CCBE1: variants seen among roughly 807,000 people sequenced by gnomAD.
CCBE1 encodes the protein collagen and calcium-binding EGF domain-containing protein 1.
A neutral mutation model predicts 50.0 loss-of-function variants in CCBE1; 37 were observed. The observed-to-expected ratio is 0.74, with a 90% confidence interval of 0.57 to 0.97. The LOEUF (loss-of-function observed/expected upper bound fraction) is 0.97, where lower values mean the gene tolerates loss of function less well. CCBE1 is among the 50% of genes least tolerant of loss of function. The pLI is 0.00. For synonymous variants in CCBE1, 234 were observed against 203.7 expected, an observed-to-expected ratio of 1.15 and a Z score of -1.27; for missense variants, 538 against 523.8, an observed-to-expected ratio of 1.03 and a Z score of -0.26.
At chr18:59,615,701 T>A (rs1230886373) in intron 2 of CCBE1, among the ~76,000 whole-genome samples, 1 of 152,158 alleles carries the variant, frequency 6.6e-6, no homozygotes, top group African/African-American at 2.4e-5. Flanking sequence ...CCATAAGGTA[T>A]GAGGTTATTT....
chr18:59,661,603 C>A (rs2054286678), intron 2 of CCBE1, among the ~76,000 whole-genome samples: 1 of 152,166 alleles, frequency 6.6e-6, no homozygotes, highest in East Asian at 1.9e-4. Context: ...AAGCCTCTGG[C>A]CACAATATTC....
At chr18:59,649,455 A>ACG (rs1402354581) in intron 2 of CCBE1, among the ~76,000 whole-genome samples, 1 of 152,272 alleles carries the variant, frequency 6.6e-6, no homozygotes, top group Non-Finnish European at 1.5e-5. Flanking sequence ...TTAAAGCTTT[A>ACG]CGTGTAATGA....
intron 2 of CCBE1, among the ~76,000 whole-genome samples, chr18:59,625,769 T>C (rs868624987): frequency 2.0e-5 from 3 of 152,090 alleles, no homozygotes; most frequent in Admixed American, 6.5e-5. Flanking sequence ...CCAAAATTCA[T>C]GTGTTGAAAC....
intron 2 of CCBE1, among the ~76,000 whole-genome samples, chr18:59,626,940 T>G (rs925523913): frequency 6.6e-6 from 1 of 152,226 alleles, no homozygotes; most frequent in Non-Finnish European, 1.5e-5. Flanking sequence ...CTTCAGCCTC[T>G]CCACAAGCTT....
chr18:59,671,743 G>A (rs1252988889), intron 2 of CCBE1, among the ~76,000 whole-genome samples: 8 of 150,978 alleles, frequency 5.3e-5, no homozygotes, highest in Admixed American at 2.6e-4. Flanking sequence ...AAGCAGTGAA[G>A]GGAAGGGGAA....
At chr18:59,519,651 G>A (rs1465570033) in intron 2 of CCBE1, among the ~76,000 whole-genome samples, 2 of 152,170 alleles carry the variant, frequency 1.3e-5, no homozygotes, top group Non-Finnish European at 2.9e-5. Context: ...AGTTTCTTTT[G>A]CTGTGCAGAA....
At chr18:59,599,366 A>G (rs1216416089) in intron 2 of CCBE1, among the ~76,000 whole-genome samples, 1 of 152,250 alleles carries the variant, frequency 6.6e-6, no homozygotes, top group African/African-American at 2.4e-5. Flanking sequence ...TTGAGAAAAC[A>G]TGCAGTTTGG....
intron 2 of CCBE1, among the ~76,000 whole-genome samples, chr18:59,529,779 CTGT>C (rs1439795949): frequency 1.3e-5 from 2 of 152,078 alleles, no homozygotes; most frequent in Non-Finnish European, 2.9e-5. Flanking sequence ...CCAACTGCAG[CTGT>C]TTCTGGTCAT....
intron 2 of CCBE1, among the ~76,000 whole-genome samples, chr18:59,531,520 G>A (rs1245517096): frequency 6.6e-6 from 1 of 152,166 alleles, no homozygotes; most frequent in East Asian, 1.9e-4. Flanking sequence ...GGCTGAGGCA[G>A]GAGGATTGCT....
intron 2 of CCBE1, among the ~76,000 whole-genome samples, chr18:59,493,137 AGTCTT>A (rs1913188592): frequency 6.6e-6 from 1 of 152,234 alleles, no homozygotes; most frequent in African/African-American, 2.4e-5. Flanking sequence ...TTAATGGGAC[AGTCTT>A]AAAGGAGAGA....
intron 2 of CCBE1, among the ~76,000 whole-genome samples, chr18:59,516,129 T>C (rs1379121446): frequency 6.6e-6 from 1 of 152,160 alleles, no homozygotes; most frequent in Non-Finnish European, 1.5e-5. Context: ...CAGCTAACTT[T>C]TGTATTTTTA....
intron 10 of CCBE1, 68 bp downstream of exon 10, chr18:59,438,043 A>G: frequency 1.3e-6 from 2 of 1,543,108 alleles, no homozygotes; most frequent in Non-Finnish European, 1.8e-6. Flanking sequence ...AGACCAACCT[A>G]TAGGCTCATC....
chr18:59,618,903 G>T (rs28447354), intron 2 of CCBE1, among the ~76,000 whole-genome samples: 1 of 151,932 alleles, frequency 6.6e-6, no homozygotes, highest in Admixed American at 6.5e-5. Flanking sequence ...ATTTTACTTC[G>T]TGTATAGTGG....
At chr18:59,602,521 T>G (rs1437050508) in intron 2 of CCBE1, among the ~76,000 whole-genome samples, 1 of 152,138 alleles carries the variant, frequency 6.6e-6, no homozygotes, top group African/African-American at 2.4e-5. Flanking sequence ...TCTACAAAGA[T>G]CTAGGTTTTT....
intron 2 of CCBE1, among the ~76,000 whole-genome samples, chr18:59,504,522 T>C (rs1270508681): frequency 6.6e-6 from 1 of 152,152 alleles, no homozygotes; most frequent in Admixed American, 6.5e-5. Flanking sequence ...GGATAGATGC[T>C]AAATCCACTG....
upstream of CCBE1, chr18:59,697,517 T>C: frequency 2.4e-6 from 2 of 837,048 alleles, no homozygotes; most frequent in South Asian, 3.7e-5. Context: ...GGGGGGAAAA[T>C]GAGGCTAGGA....
chr18:59,580,410 T>C (rs1310488664), intron 2 of CCBE1, among the ~76,000 whole-genome samples: 1 of 152,144 alleles, frequency 6.6e-6, no homozygotes, highest in Non-Finnish European at 1.5e-5. Context: ...GCCCCCAAAA[T>C]GTAGAAAACC....
chr18:59,616,847 C>G (rs2053643429), intron 2 of CCBE1, among the ~76,000 whole-genome samples: 1 of 152,162 alleles, frequency 6.6e-6, no homozygotes, highest in South Asian at 2.1e-4. Flanking sequence ...CCTTTCTCAT[C>G]CTGACTTTCC....
chr18:59,577,939 AC>A (rs2053023558), intron 2 of CCBE1, among the ~76,000 whole-genome samples: 1 of 149,364 alleles, frequency 6.7e-6, no homozygotes, highest in Non-Finnish European at 1.5e-5. Context: ...AGCAATGGCA[AC>A]AAAAGCCAAA....
Sources: gnomAD v4.1 joint callset for allele counts (sites outside exome capture counted in the v4.1 genomes callset) on GRCh38, gnomAD v4.1.1 for gene constraint, MANE v1.5 for transcripts, NCBI Gene and HGNC (gene_info 2026-07-23, HGNC 2026-07-21) for gene names.